The following CNTN1 variants were observed in gnomAD, a reference collection of about 807,000 sequenced individuals.
CNTN1 encodes contactin 1.
A neutral mutation model predicts 126.4 loss-of-function variants in CNTN1; 38 were observed. That is an observed-to-expected ratio of 0.30 (90% CI 0.23 to 0.39). The LOEUF (loss-of-function observed/expected upper bound fraction) is 0.39, where lower values mean the gene tolerates loss of function less well. CNTN1 is among the 10% of genes least tolerant of loss of function. The pLI, the probability that CNTN1 is intolerant of heterozygous loss-of-function variation, is 1.00. For synonymous variants in CNTN1, 413 were observed against 422.6 expected (o/e 0.98, Z 0.28); for missense variants, 1,009 against 1,248.4 (o/e 0.81, Z 2.89).
At chr12:40,753,069 G>A (rs1243107751) in intron 1 of CNTN1, among the ~76,000 whole-genome samples, 1 of 151,526 alleles carries the variant, frequency 6.6e-6, no homozygotes, top group Non-Finnish European at 1.5e-5. Flanking sequence ...GGAAAGAGTG[G>A]GGTTGACCAC....
intron 23 of CNTN1, among the ~76,000 whole-genome samples, chr12:41,057,266 T>C (rs969770443): frequency 3.4e-5 from 5 of 148,024 alleles, no homozygotes; most frequent in Non-Finnish European, 7.4e-5. Flanking sequence ...ATTTAGATAA[T>C]ATTTTATTTC....
chr12:40,885,944 C>T (rs185773948), intron 1 of CNTN1, among the ~76,000 whole-genome samples: 1 of 152,086 alleles, frequency 6.6e-6, no homozygotes, highest in Middle Eastern at 3.4e-3. Context: ...GGTCATCAAT[C>T]GTGTGTTTGT....
At chr12:40,815,226 A>G (rs967517467) in intron 1 of CNTN1, among the ~76,000 whole-genome samples, 1 of 152,166 alleles carries the variant, frequency 6.6e-6, no homozygotes, top group African/African-American at 2.4e-5. Context: ...CATTGAATCT[A>G]TAAATTATTT....
chr12:40,755,190 CAAAAAAAAAAAAAAAAA>C (rs557970110), intron 1 of CNTN1, among the ~76,000 whole-genome samples: 12 of 78,200 alleles, frequency 1.5e-4, no homozygotes, highest in South Asian at 4.7e-4. Flanking sequence ...GACCCCACCT[CAAAAAAAAAAAAAAAAA>C]AAAAAAAAAA....
chr12:40,884,239 T>C (rs1011293317), intron 1 of CNTN1, among the ~76,000 whole-genome samples: 3 of 151,586 alleles, frequency 2.0e-5, no homozygotes, highest in African/African-American at 7.2e-5. Context: ...TTTTTCTTTT[T>C]CCTTATTTTC....
chr12:40,980,960 C>G lies in CNTN1; in HGVS notation c.1856C>G (p.Ser619Cys). 1 of 1,613,858 alleles carries G rather than the reference C, an allele frequency of 6.2e-7. No individual in the cohort carries two copies. Among genetic ancestry groups the G allele is most frequent in the South Asian group, 1.1e-5 (1 of 91,078 alleles). Residue 619 changes from serine to cysteine, a missense_variant, in exon 16 of 24, where the codon TCT becomes TGT. Physicochemically the swap from Ser to Cys is moderately radical, Grantham distance 112. Transcript: ENST00000551295. ...GLRIEDIRAT[S>C]VALTWSRGSD... The stretch of plus-strand genomic sequence containing the variant: ...AGAATAGAAGACATTAGAGCCACTT[C>G]TGTGGCACTTACTTGGAGCCGTGGT...
At chr12:40,878,397 A>G (rs1157635944) in intron 1 of CNTN1, among the ~76,000 whole-genome samples, 2 of 152,070 alleles carry the variant, frequency 1.3e-5, no homozygotes, top group African/African-American at 4.8e-5. Context: ...AACAAATCAC[A>G]TTTTACAAAG....
chr12:40,809,878 C>A (rs1445301004), intron 1 of CNTN1, among the ~76,000 whole-genome samples: 1 of 150,164 alleles, frequency 6.7e-6, no homozygotes, highest in African/African-American at 2.5e-5. Flanking sequence ...GTAAATGACT[C>A]TATATATTTG....
At chr12:41,003,077 G>C (rs1202140733) in intron 17 of CNTN1, among the ~76,000 whole-genome samples, 3 of 152,042 alleles carry the variant, frequency 2.0e-5, no homozygotes, top group Non-Finnish European at 4.4e-5. Flanking sequence ...GTTGGCTCCG[G>C]GTTTGTCACA....
chr12:40,730,478 A>G (rs2121258553), intron 1 of CNTN1, among the ~76,000 whole-genome samples: 1 of 152,166 alleles, frequency 6.6e-6, no homozygotes, highest in East Asian at 1.9e-4. Context: ...TATAGCAGGG[A>G]TGTAACTGTC....
chr12:40,816,768 A>G (rs1023122201), intron 1 of CNTN1, among the ~76,000 whole-genome samples: 12 of 151,916 alleles, frequency 7.9e-5, no homozygotes, highest in Non-Finnish European at 1.6e-4. Context: ...TAGCTTTCTG[A>G]TGTGGGCATT....
At chr12:40,791,554 T>G (rs1462208886) in intron 1 of CNTN1, among the ~76,000 whole-genome samples, 1 of 152,182 alleles carries the variant, frequency 6.6e-6, no homozygotes, top group Non-Finnish European at 1.5e-5. Flanking sequence ...AAGAAATACA[T>G]GTAGACTATT....
chr12:40,721,634 C>T (rs1051058073), intron 1 of CNTN1, among the ~76,000 whole-genome samples: 1 of 148,896 alleles, frequency 6.7e-6, no homozygotes, highest in African/African-American at 2.5e-5. Flanking sequence ...ATGTGCCATG[C>T]TGGTGTGCTG....
At chr12:41,021,432 G>A (rs1159419221) in intron 20 of CNTN1, among the ~76,000 whole-genome samples, 2 of 152,084 alleles carry the variant, frequency 1.3e-5, no homozygotes, top group African/African-American at 4.8e-5. Flanking sequence ...TGAGGGCAGG[G>A]TATTGTTCTA....
intron 1 of CNTN1, among the ~76,000 whole-genome samples, chr12:40,768,353 T>G (rs1939202982): frequency 6.6e-6 from 1 of 152,230 alleles, no homozygotes; most frequent in South Asian, 2.1e-4. Context: ...CCCGGGCAAT[T>G]TCAAAGCCAT....
chr12:40,871,143 A>G (rs561202209), intron 1 of CNTN1, among the ~76,000 whole-genome samples: 1 of 150,286 alleles, frequency 6.7e-6, no homozygotes, highest in East Asian at 2.0e-4. Flanking sequence ...CAGTTATGTA[A>G]CTAGTGAGAA....
At chr12:40,997,284 A>G (rs2120554355) in intron 17 of CNTN1, among the ~76,000 whole-genome samples, 1 of 152,332 alleles carries the variant, frequency 6.6e-6, no homozygotes, top group Admixed American at 6.5e-5. Context: ...AAAATGGTAC[A>G]TTCAGGTTTG....
Position 40,933,498 on chromosome 12 carries a change from G to A in CNTN1, c.741G>A (p.Gln247=). The A allele has an allele frequency of 6.2e-7, 1 of 1,611,860 alleles. No individual in the cohort carries two copies. The highest frequency in any genetic ancestry group is 8.5e-7 in the Non-Finnish European group (1 of 1,178,384). ...TKPYPADIVV[Q]FKDVYALMGQ... ...CATATCCTGCTGATATTGTAGTTCA[G>A]TTCAAGGATGTATATGCATTGATGG... The change falls in exon 8 of 24, where the codon CAG becomes CAA. Residue 247 remains glutamine (Q), a synonymous_variant. Coordinates refer to ENST00000551295, the MANE Select transcript of CNTN1 (RefSeq NM_001843.4).
intron 1 of CNTN1, chr12:40,742,527 A>G (rs1483167247): frequency 6.7e-6 from 1 of 150,206 alleles, no homozygotes; most frequent in Non-Finnish European, 1.5e-5. Flanking sequence ...CTTTAAGTGT[A>G]TATTTTTAAT....
Sources: gnomAD v4.1 joint callset for allele counts (sites outside exome capture counted in the v4.1 genomes callset) on GRCh38, gnomAD v4.1.1 for gene constraint, MANE v1.5 for transcripts, NCBI Gene and HGNC (gene_info 2026-07-23, HGNC 2026-07-21) for gene names.